Variants in CFAP20DC observed in about 807,000 individuals in gnomAD.
CFAP20DC encodes CFAP20 domain containing.
CFAP20DC carries 84 observed loss-of-function variants against 101.7 expected under a neutral mutation model. The observed-to-expected ratio is 0.83, with a 90% CI of 0.69 to 0.99. The LOEUF is 0.99. Ranked by LOEUF, CFAP20DC falls within the 50% of genes least tolerant of loss-of-function variation. The pLI, the probability that CFAP20DC is intolerant of heterozygous loss-of-function variation, is 0.00. For synonymous variants in CFAP20DC, 359 were observed against 351.2 expected (o/e 1.02, Z -0.25); for missense variants, 1,007 against 970.3 (o/e 1.04, Z -0.50).
chr3:58,952,133 G>A (rs746162114), intron 4 of CFAP20DC, among the ~76,000 whole-genome samples: 2 of 152,070 alleles, frequency 1.3e-5, no homozygotes, highest in South Asian at 4.1e-4. Flanking sequence ...CATCATCAGC[G>A]TTGAGTTCAT....
chr3:58,783,748 C>T (rs943241071), intron 15 of CFAP20DC, among the ~76,000 whole-genome samples: 2 of 151,974 alleles, frequency 1.3e-5, no homozygotes, highest in Admixed American at 6.6e-5. Flanking sequence ...AATGAGATAT[C>T]GTCTGACCCC....
intron 15 of CFAP20DC, among the ~76,000 whole-genome samples, chr3:58,764,301 A>G (rs75378454): frequency 0.12 from 18,244 of 152,112 alleles, 1,984 homozygotes; most frequent in East Asian, 0.36. Context: ...TGCTAGCAAT[A>G]AGCGAGGCTC....
intron 7 of CFAP20DC, among the ~76,000 whole-genome samples, chr3:58,875,789 G>A (rs2080699046): frequency 1.7e-5 from 2 of 119,674 alleles, no homozygotes; most frequent in Non-Finnish European, 3.4e-5. Flanking sequence ...CTTTTGTGGG[G>A]AGGGAGTATT....
intron 13 of CFAP20DC, among the ~76,000 whole-genome samples, chr3:58,833,391 T>A (rs1394187230): frequency 3.3e-5 from 5 of 151,892 alleles, no homozygotes; most frequent in Non-Finnish European, 5.9e-5. Flanking sequence ...TATATCCCAA[T>A]GAAAAATGCA....
At chr3:58,720,625 A>G (rs2067458692) in intron 3 of CFAP20DC, among the ~76,000 whole-genome samples, 1 of 152,170 alleles carries the variant, frequency 6.6e-6, no homozygotes, top group South Asian at 2.1e-4. Flanking sequence ...TGCTTTGAGG[A>G]ATTTGGAAAC....
intron 3 of CFAP20DC, among the ~76,000 whole-genome samples, chr3:58,736,970 A>G (rs1036522257): frequency 1.3e-5 from 2 of 152,238 alleles, no homozygotes; most frequent in Non-Finnish European, 2.9e-5. Flanking sequence ...AACCAGAACC[A>G]AAATATTCAT....
chr3:58,885,928 G>A (rs1327915267), intron 6 of CFAP20DC, among the ~76,000 whole-genome samples: 1 of 152,020 alleles, frequency 6.6e-6, no homozygotes, highest in Non-Finnish European at 1.5e-5. Flanking sequence ...TGGGAGTGCA[G>A]ATGTCTCTCT....
chr3:58,754,220 G>A (rs1052421165), intron 15 of CFAP20DC, among the ~76,000 whole-genome samples: 5 of 152,166 alleles, frequency 3.3e-5, no homozygotes, highest in African/African-American at 4.8e-5. Context: ...GTAAGAAAGC[G>A]TGACAAAGTC....
In CFAP20DC at chr3:59,007,621, C is replaced by T. The variant is rs745929779; in HGVS notation, c.278+31936G>A. Reference sequence around the variant, plus strand: ...ACTCTCACAGAGCCTACATCACTGCCGTGCTACCTCCACCAGAGCAGGTGC... The same window carrying T: ...ACTCTCACAGAGCCTACATCACTGCTGTGCTACCTCCACCAGAGCAGGTGC... On this transcript the variant is annotated intron_variant, in intron 4 of 16. Transcript: ENST00000482387. The surrounding 1 kb of genome is among the most constrained non-coding windows in gnomAD (Gnocchi z 4.4). Among the ~76,000 whole-genome samples, 150 of 152,330 alleles carry T rather than the reference C, an allele frequency of 9.8e-4. No homozygotes were observed. Among genetic ancestry groups the T allele is most frequent in the African/African-American group, 3.5e-3 (145 of 41,582 alleles).
At chr3:58,954,067 A>G (rs1003281494) in intron 4 of CFAP20DC, among the ~76,000 whole-genome samples, 17 of 152,208 alleles carry the variant, frequency 1.1e-4, no homozygotes, top group African/African-American at 3.9e-4. Flanking sequence ...TAACTCAGCT[A>G]TGGTCATTAA....
At chr3:58,761,632 G>T (rs963347218) in intron 15 of CFAP20DC, among the ~76,000 whole-genome samples, 1 of 152,052 alleles carries the variant, frequency 6.6e-6, no homozygotes, top group Non-Finnish European at 1.5e-5. Flanking sequence ...TGATGTTAGG[G>T]TGTCAATTTT....
chr3:58,961,129 C>T (rs1284639536), intron 4 of CFAP20DC, among the ~76,000 whole-genome samples: 2 of 152,110 alleles, frequency 1.3e-5, no homozygotes, highest in African/African-American at 4.8e-5. Context: ...TTGTATGTTT[C>T]TAGATTTTGT....
intron 15 of CFAP20DC, among the ~76,000 whole-genome samples, chr3:58,757,453 T>C (rs911870591): frequency 6.6e-6 from 1 of 151,694 alleles, no homozygotes; most frequent in Non-Finnish European, 1.5e-5. Flanking sequence ...TATCAGATTT[T>C]TTATCTTTCC....
At chr3:58,932,652 A>C in intron 5 of CFAP20DC, among the ~76,000 whole-genome samples, 1 of 152,164 alleles carries the variant, frequency 6.6e-6, no homozygotes, top group East Asian at 1.9e-4. Context: ...TTCAACCCAG[A>C]ATTTCATATC....
At chr3:58,905,070 T>C (rs1329961405) in intron 6 of CFAP20DC, among the ~76,000 whole-genome samples, 4 of 152,172 alleles carry the variant, frequency 2.6e-5, no homozygotes, top group African/African-American at 9.7e-5. Flanking sequence ...TCTGAAATCA[T>C]ACCTTAATTT....
At chr3:58,965,036 C>T (rs1489412939) in intron 4 of CFAP20DC, among the ~76,000 whole-genome samples, 3 of 152,200 alleles carry the variant, frequency 2.0e-5, no homozygotes, top group Admixed American at 6.5e-5. Context: ...ATTTGTGTTT[C>T]ATATGCTCTT....
intron 14 of CFAP20DC, among the ~76,000 whole-genome samples, chr3:58,822,295 TAAA>T (rs201126935): frequency 2.5e-5 from 3 of 120,382 alleles, no homozygotes; most frequent in African/African-American, 9.7e-5. Context: ...TAAAGTATAA[TAAA>T]AAAAAATCAT....
chr3:58,946,643 CATGAAGAAAA>C (rs1226931256), intron 4 of CFAP20DC, among the ~76,000 whole-genome samples: 1 of 152,122 alleles, frequency 6.6e-6, no homozygotes, highest in Non-Finnish European at 1.5e-5. Context: ...TGTCAAACCC[CATGAAGAAAA>C]ATGTGCAGGA....
At chr3:58,791,367 C>T (rs2072838167) in intron 15 of CFAP20DC, among the ~76,000 whole-genome samples, 1 of 151,940 alleles carries the variant, frequency 6.6e-6, no homozygotes, top group Admixed American at 6.6e-5. Context: ...AAATACAATT[C>T]CTATTTTTAG....
Sources: gnomAD v4.1 joint callset for allele counts (sites outside exome capture counted in the v4.1 genomes callset) on GRCh38, gnomAD v4.1.1 for gene constraint, Gnocchi (gnomAD v3.1) non-coding constraint, MANE v1.5 for transcripts, NCBI Gene and HGNC (gene_info 2026-07-23, HGNC 2026-07-21) for gene names.